USP7: variants seen among roughly 807,000 people sequenced by gnomAD.
USP7 encodes the protein ubiquitin specific peptidase 7.
A neutral mutation model predicts 162.9 loss-of-function variants in USP7; 9 were observed. The observed-to-expected ratio is 0.06, with a 90% CI of 0.03 to 0.10. The LOEUF (loss-of-function observed/expected upper bound fraction) is 0.10, where lower values mean the gene tolerates loss of function less well. USP7 is among the 10% of genes least tolerant of loss of function. USP7 has a pLI of 1.00. For synonymous variants in USP7, 562 were observed against 475.9 expected (o/e 1.18, Z -2.35); for missense variants, 715 against 1,373.7 (o/e 0.52, Z 7.58).
intron 2 of USP7, among the ~76,000 whole-genome samples, chr16:8,928,450 G>C (rs1898135462): frequency 6.6e-6 from 1 of 152,196 alleles, no homozygotes; most frequent in Non-Finnish European, 1.5e-5. Flanking sequence ...ACATACGACA[G>C]TAAATAAAGC....
chr16:8,953,147 T>C (rs1263186647), intron 1 of USP7, among the ~76,000 whole-genome samples: 1 of 152,026 alleles, frequency 6.6e-6, no homozygotes, highest in East Asian at 1.9e-4. Flanking sequence ...CCACCTCTTT[T>C]CACACTCAGC....
At chr16:8,899,840 A>G (rs2061746206) in intron 21 of USP7, 83 bp from the exon 22 acceptor site, 4 of 1,471,178 alleles carry the variant, frequency 2.7e-6, no homozygotes, top group Non-Finnish European at 3.8e-6. Context: ...CTTTTACACA[A>G]CAGTGACACC....
chr16:8,942,579 G>A (rs1899097597), intron 1 of USP7, among the ~76,000 whole-genome samples: 1 of 152,152 alleles, frequency 6.6e-6, no homozygotes, highest in Admixed American at 6.5e-5. Context: ...ACAGGGTCTC[G>A]CTCTGTTGGG....
rs772398924 is a variant in USP7 at position 8,898,417 on chromosome 16, G to T, written c.2661C>A (p.Asp887Glu). The change falls in exon 25 of 31, where the codon GAC becomes GAA. Residue 887 changes from aspartate to glutamate, a missense_variant. Transcript: ENST00000344836. ...ATTTAAAACTTCGCCTGTTCTCAAA[G>T]TCTGTGATTTTCATCTTAAGCTATT... ...YYQQLKMKIT[D>E]FENRRSFKCI... 1.9e-6 allele frequency: 3 copies of T among 1,613,224 alleles called. No homozygotes were observed. The South Asian group carries it at 3.3e-5, about 18-fold the overall frequency.
rs932702922 is a variant in USP7 at position 8,925,329 on chromosome 16, C to T, written c.185-1916G>A. On this transcript the variant is annotated intron_variant, in intron 2 of 30. Coordinates refer to ENST00000344836, the MANE Select transcript of USP7 (RefSeq NM_003470.3). ...AACAAAATGAGACTACTAGCTTGCC[C>T]GCTTTATGAAGCCCATGTATACAGA... Among the ~76,000 whole-genome samples, 6 of 152,280 alleles carry T rather than the reference C, an allele frequency of 3.9e-5. No homozygotes were observed. The South Asian group carries it at 6.2e-4, about 16-fold the overall frequency.
At chr16:8,902,333 A>G (rs1332435652) in intron 17 of USP7, 48 bp downstream of exon 17, 4 of 1,590,830 alleles carry the variant, frequency 2.5e-6, no homozygotes, top group Non-Finnish European at 3.4e-6. Flanking sequence ...CAGAGGACTA[A>G]CGCCTTCTGC....
At chr16:8,915,900 T>C (rs1429456807) in intron 8 of USP7, among the ~76,000 whole-genome samples, 1 of 152,164 alleles carries the variant, frequency 6.6e-6, no homozygotes, top group Non-Finnish European at 1.5e-5. Flanking sequence ...GATTGACTGG[T>C]TTGTCCATGG....
At chr16:8,897,958 A>C (rs898684406) in intron 25 of USP7, among the ~76,000 whole-genome samples, 1 of 151,574 alleles carries the variant, frequency 6.6e-6, no homozygotes, top group Non-Finnish European at 1.5e-5. Context: ...AGCAGGTGAC[A>C]CTGGAGCTGT....
chr16:8,962,217 T>G (rs1435015339), intron 1 of USP7, among the ~76,000 whole-genome samples: 2 of 152,204 alleles, frequency 1.3e-5, no homozygotes, highest in Admixed American at 6.5e-5. Context: ...CACGCCGTTT[T>G]CATTCAGGTG....
At chr16:8,952,443 C>T (rs1300972676) in intron 1 of USP7, among the ~76,000 whole-genome samples, 1 of 152,144 alleles carries the variant, frequency 6.6e-6, no homozygotes, top group Admixed American at 6.5e-5. Context: ...CGGGCTAAAA[C>T]CAAGGTGCCA....
chr16:8,898,348 A>C lies in USP7; in HGVS notation c.2718+12T>G. The C allele has an allele frequency of 6.3e-7, 1 of 1,590,050 alleles. No individual in the cohort carries two copies. Among genetic ancestry groups the C allele is most frequent in the South Asian group, 1.1e-5 (1 of 86,988 alleles). ...AATAAAAATTAAAATTCATAGTATT[A>C]AAAAAACTTACCTCTTCCCTAAATT... On this transcript the variant is annotated intron_variant, in intron 25 of 30. Coordinates refer to ENST00000344836, the MANE Select transcript of USP7 (RefSeq NM_003470.3).
chr16:8,896,490 A>G (rs1176424106), intron 26 of USP7, among the ~76,000 whole-genome samples: 1 of 152,218 alleles, frequency 6.6e-6, no homozygotes, highest in Admixed American at 6.5e-5. Flanking sequence ...AGGGCAAAGT[A>G]GTGAGAATCA....
intron 1 of USP7, among the ~76,000 whole-genome samples, 187 bp from the exon 2 acceptor site, chr16:8,930,584 C>T (rs202009120): frequency 1.3e-5 from 2 of 152,132 alleles, no homozygotes; most frequent in African/African-American, 4.8e-5. Context: ...TTCGCTGTTT[C>T]GAAACACTAA....
At chr16:8,928,277 C>A (rs1386930742) in intron 2 of USP7, among the ~76,000 whole-genome samples, 1 of 152,190 alleles carries the variant, frequency 6.6e-6, no homozygotes, top group Non-Finnish European at 1.5e-5. Context: ...TAATGAGGTG[C>A]TTCCCAGATT....
intron 9 of USP7, 21 bp from the exon 10 acceptor site, chr16:8,915,365 A>G (rs751026731): frequency 5.6e-6 from 9 of 1,613,194 alleles, no homozygotes; most frequent in Non-Finnish European, 7.6e-6. Flanking sequence ...GGAAAGTAAA[A>G]GTGGTTTAAC....
intron 2 of USP7, chr16:8,929,312 G>T: frequency 2.8e-6 from 1 of 355,180 alleles, no homozygotes; most frequent in Non-Finnish European, 5.6e-6. Flanking sequence ...CCTCGTCTAC[G>T]GTGGAAAGCG....
At chr16:8,921,761 C>A (rs541058229) in intron 3 of USP7, among the ~76,000 whole-genome samples, 2 of 152,126 alleles carry the variant, frequency 1.3e-5, no homozygotes, top group Admixed American at 1.3e-4. Flanking sequence ...GACGAATTCA[C>A]GATGAGGCAC....
chr16:8,899,458 A>C, intron 22 of USP7, 146 bp downstream of exon 22: 6 of 1,049,940 alleles, frequency 5.7e-6, no homozygotes, highest in Non-Finnish European at 8.2e-6. Flanking sequence ...CAAGGCAGAG[A>C]GCCTGAATCC....
chr16:8,934,941 CA>C (rs1898602942), intron 1 of USP7, among the ~76,000 whole-genome samples: 1 of 151,380 alleles, frequency 6.6e-6, no homozygotes, highest in Non-Finnish European at 1.5e-5. Flanking sequence ...TTAATTAAGA[CA>C]TGGTAAATCC....
Sources: allele counts gnomAD v4.1 joint callset (sites outside exome capture counted in the v4.1 genomes callset), GRCh38; gene constraint gnomAD v4.1.1; transcripts MANE v1.5; gene names NCBI Gene and HGNC (gene_info 2026-07-23, HGNC 2026-07-21).